SLC4A4: variants seen among roughly 807,000 people sequenced by gnomAD.
SLC4A4 encodes electrogenic sodium bicarbonate cotransporter 1.
Under a neutral mutation model 111.5 loss-of-function variants are expected in SLC4A4, and 27 were observed. The ratio of observed to expected loss-of-function variants is 0.24; its 90% confidence interval spans 0.18 to 0.33. The LOEUF (loss-of-function observed/expected upper bound fraction) is 0.33. SLC4A4 is among the 10% of genes least tolerant of loss of function. The probability of loss-of-function intolerance (pLI) is 1.00; values close to 1 mark genes in which losing one functional copy is unlikely to be tolerated. For synonymous variants in SLC4A4, 443 were observed against 463.4 expected (o/e 0.96, Z 0.57); for missense variants, 909 against 1,315.5 (o/e 0.69, Z 4.78).
chr4:71,487,834 C>T (rs760248274), intron 15 of SLC4A4, among the ~76,000 whole-genome samples: 1 of 151,594 alleles, frequency 6.6e-6, no homozygotes, highest in Non-Finnish European at 1.5e-5. Flanking sequence ...GCAACTCTCA[C>T]GTGACCCTCT....
In SLC4A4 at chr4:71,357,204, C is replaced by T. The variant is rs767881694; in HGVS notation, c.730+17C>T. On this transcript the variant is annotated intron_variant, in intron 6 of 25. Coordinates refer to ENST00000264485, the MANE Select transcript of SLC4A4 (RefSeq NM_001098484.3). ...CTGATAATGGTAATGCAGAGGCCAG[C>T]TGGCTGCTGCTTTCTCTTACTTATT... is the stretch of plus-strand genomic sequence containing the variant. 6.2e-7 allele frequency: 1 copy of T among 1,611,794 alleles called. No individual in the cohort carries two copies. Among genetic ancestry groups the T allele is most frequent in the South Asian group, 1.1e-5 (1 of 91,028 alleles).
chr4:71,092,932 T>G (rs1306249125), intron 2 of SLC4A4, among the ~76,000 whole-genome samples: 1 of 151,798 alleles, frequency 6.6e-6, no homozygotes, highest in East Asian at 2.0e-4. Context: ...CCATCTCTAC[T>G]AAAAATACAA....
chr4:71,312,360 C>G (rs1349818419), intron 3 of SLC4A4, among the ~76,000 whole-genome samples: 1 of 152,152 alleles, frequency 6.6e-6, no homozygotes, highest in Non-Finnish European at 1.5e-5. Flanking sequence ...GGAGCTGGTA[C>G]CATTCCTTCT....
intron 6 of SLC4A4, among the ~76,000 whole-genome samples, chr4:71,387,012 G>T (rs1718799529): frequency 6.6e-6 from 1 of 152,210 alleles, no homozygotes. Flanking sequence ...TACTTCTTGA[G>T]CAGAGCCCTG....
chr4:71,138,695 T>A (rs1319103269), intron 2 of SLC4A4, among the ~76,000 whole-genome samples: 1 of 152,184 alleles, frequency 6.6e-6, no homozygotes, highest in Admixed American at 6.5e-5. Context: ...ATTCTTTATT[T>A]TGCAGGAGGG....
chr4:71,120,102 C>T (rs568814518), intron 2 of SLC4A4, among the ~76,000 whole-genome samples: 2 of 152,148 alleles, frequency 1.3e-5, no homozygotes, highest in African/African-American at 4.8e-5. Context: ...GGTTCTTATG[C>T]TTGTGGTTTC....
At chr4:71,506,077 T>C (rs1023713710) in intron 16 of SLC4A4, among the ~76,000 whole-genome samples, 16 of 152,186 alleles carry the variant, frequency 1.1e-4, no homozygotes, top group African/African-American at 3.6e-4. Context: ...AGTACCATGC[T>C]GTTTGGTTTC....
At chr4:71,564,699 G>A (rs1737308041) in intron 24 of SLC4A4, among the ~76,000 whole-genome samples, 1 of 151,838 alleles carries the variant, frequency 6.6e-6, no homozygotes, top group African/African-American at 2.4e-5. Flanking sequence ...ATCTGTTACA[G>A]AAAAAGACAG....
intron 16 of SLC4A4, among the ~76,000 whole-genome samples, chr4:71,505,490 GTA>G (rs1731338533): frequency 6.6e-6 from 1 of 151,530 alleles, no homozygotes; most frequent in Non-Finnish European, 1.5e-5. Flanking sequence ...CTGGCCACAT[GTA>G]TGTCTTATTT....
At chr4:71,246,052 A>G (rs1368269301) in intron 2 of SLC4A4, among the ~76,000 whole-genome samples, 1 of 152,220 alleles carries the variant, frequency 6.6e-6, no homozygotes, top group Non-Finnish European at 1.5e-5. Flanking sequence ...TGTCATGGTT[A>G]GTTGGGAATA....
intron 3 of SLC4A4, among the ~76,000 whole-genome samples, chr4:71,297,357 G>T (rs1201440565): frequency 1.3e-5 from 2 of 152,140 alleles, no homozygotes; most frequent in African/African-American, 4.8e-5. Context: ...TGCAGCTGCC[G>T]TGTAGCATCA....
At chr4:71,145,116 C>T (rs148117060) in intron 2 of SLC4A4, among the ~76,000 whole-genome samples, 2,635 of 152,204 alleles carry the variant, frequency 0.017, 84 homozygotes, top group African/African-American at 0.06. Context: ...TTTTGAGATA[C>T]GTCCCATCAA....
chr4:71,565,337 G>T (rs917366825), intron 24 of SLC4A4, among the ~76,000 whole-genome samples: 2 of 151,806 alleles, frequency 1.3e-5, no homozygotes, highest in Non-Finnish European at 2.9e-5. Flanking sequence ...TTCATGGGAG[G>T]CAGAGGGACC....
upstream of SLC4A4, among the ~76,000 whole-genome samples, chr4:71,186,420 A>G (rs1745451028): frequency 1.3e-5 from 2 of 152,244 alleles, no homozygotes; most frequent in African/African-American, 4.8e-5. Context: ...TTAGTTCTGC[A>G]TGAAAGCACA....
chr4:71,139,163 C>T (rs988494134), intron 2 of SLC4A4, among the ~76,000 whole-genome samples: 13 of 144,710 alleles, frequency 9.0e-5, no homozygotes, highest in East Asian at 2.1e-4. Flanking sequence ...AGTCATCAAA[C>T]TAAATTCCCT....
Position 71,222,562 on chromosome 4 carries a change from A to C in SLC4A4, c.-1-14014A>C, listed in dbSNP as rs1422401691. Among the ~76,000 whole-genome samples the C allele has an allele frequency of 3.9e-5, 6 of 152,366 alleles. No individual in the cohort carries two copies. The East Asian group carries it at 9.6e-4, about 24-fold the overall frequency. On this transcript the variant is annotated intron_variant, in intron 1 of 25. Coordinates refer to ENST00000264485, the MANE Select transcript of SLC4A4 (RefSeq NM_001098484.3). ...AGAATAATGCCTAGTCATAGCAGAC[A>C]CTCAATAAATTGAATAAATGAATGA...
intron 3 of SLC4A4, among the ~76,000 whole-genome samples, chr4:71,287,420 T>C (rs1472619616): frequency 6.6e-6 from 1 of 152,258 alleles, no homozygotes; most frequent in Non-Finnish European, 1.5e-5. Flanking sequence ...GCCATTCTTC[T>C]TGAAGAAGCA....
chr4:71,131,386 C>A (rs544199233), intron 2 of SLC4A4, among the ~76,000 whole-genome samples: 3 of 152,108 alleles, frequency 2.0e-5, no homozygotes, highest in African/African-American at 4.8e-5. Flanking sequence ...CCTAAAAGCT[C>A]GAGATCACTG....
At chr4:71,077,684 A>G (rs780437405) in intron 1 of SLC4A4, among the ~76,000 whole-genome samples, 27 of 152,222 alleles carry the variant, frequency 1.8e-4, no homozygotes, top group Admixed American at 6.5e-5. Context: ...GCTACAGGCT[A>G]TCTATGATGA....
Sources: allele counts gnomAD v4.1 joint callset (sites outside exome capture counted in the v4.1 genomes callset), GRCh38; gene constraint gnomAD v4.1.1; transcripts MANE v1.5; gene names NCBI Gene and HGNC (gene_info 2026-07-23, HGNC 2026-07-21).